The following SLC35F3 variants were observed in gnomAD, a reference collection of about 807,000 sequenced individuals.
SLC35F3 encodes the protein putative thiamine transporter SLC35F3.
SLC35F3 carries 25 observed loss-of-function variants against 49.9 expected under a neutral mutation model. The observed-to-expected ratio is 0.50, with a 90% CI of 0.37 to 0.70. The LOEUF (loss-of-function observed/expected upper bound fraction) is 0.70. Ranked by LOEUF, SLC35F3 falls within the 30% of genes least tolerant of loss-of-function variation. The pLI is 0.00. For missense variants in SLC35F3, 525 were observed against 639.8 expected (o/e 0.82, Z 1.94); for synonymous variants, 275 against 265.4 (o/e 1.04, Z -0.35).
chr1:234,018,112 G>A (rs1216377153), intron 2 of SLC35F3, among the ~76,000 whole-genome samples: 1 of 152,092 alleles, frequency 6.6e-6, no homozygotes, highest in South Asian at 2.1e-4. Flanking sequence ...GGAAAAATAC[G>A]TGTCAGGCAA....
chr1:234,096,710 A>C (rs1665130542), intron 2 of SLC35F3, among the ~76,000 whole-genome samples: 1 of 152,074 alleles, frequency 6.6e-6, no homozygotes, highest in African/African-American at 2.4e-5. Flanking sequence ...ATTTTCTCAC[A>C]ATAGTCTGGT....
At chr1:234,040,641 A>G (rs1367696034) in intron 2 of SLC35F3, among the ~76,000 whole-genome samples, 2 of 152,200 alleles carry the variant, frequency 1.3e-5, no homozygotes, top group African/African-American at 2.4e-5. Context: ...CCTGTCATGG[A>G]TGAAACCACA....
chr1:234,175,887 C>T (rs1666470091), intron 2 of SLC35F3, among the ~76,000 whole-genome samples: 1 of 152,172 alleles, frequency 6.6e-6, no homozygotes, highest in Non-Finnish European at 1.5e-5. Context: ...GCACCCCTTG[C>T]TGCACTGTGC....
intron 2 of SLC35F3, among the ~76,000 whole-genome samples, chr1:234,175,883 C>CT (rs1325222740): frequency 2.0e-5 from 3 of 152,160 alleles, no homozygotes; most frequent in African/African-American, 7.2e-5. Context: ...ATCCGCACCC[C>CT]TTGCTGCACT....
chr1:233,933,408 G>A (rs900644104), intron 2 of SLC35F3, among the ~76,000 whole-genome samples: 1 of 152,014 alleles, frequency 6.6e-6, no homozygotes, highest in African/African-American at 2.4e-5. Flanking sequence ...GAGTGCAGTG[G>A]TGCAATTCTA....
At chr1:234,233,127 G>T (rs1172345580) in intron 3 of SLC35F3, among the ~76,000 whole-genome samples, 2 of 152,274 alleles carry the variant, frequency 1.3e-5, no homozygotes, top group African/African-American at 4.8e-5. Context: ...ACCCTCTTCT[G>T]AATAGAAGCC....
At chr1:233,915,902 TC>T (rs1661960915) in intron 2 of SLC35F3, among the ~76,000 whole-genome samples, 1 of 152,104 alleles carries the variant, frequency 6.6e-6, no homozygotes, top group South Asian at 2.1e-4. Context: ...TCCCGCCAGG[TC>T]CCTCCCACAA....
rs757180624 is a variant in SLC35F3, at chr1:234,122,385, G to A, written c.284-109032G>A. ...TGAAAAGTACTTTTTAAATATATAGGCAAATAGCTATACCAATATTTGAGT... is the reference window on the plus strand; with the variant it reads ...TGAAAAGTACTTTTTAAATATATAGACAAATAGCTATACCAATATTTGAGT... On this transcript the variant is annotated intron_variant, in intron 2 of 7. Transcript: ENST00000366618. Among the ~76,000 whole-genome samples the A allele has an allele frequency of 1.7e-4, 26 of 152,130 alleles. 1 individual carries two copies. Among genetic ancestry groups the A allele is most frequent in the Admixed American group, 7.9e-4 (12 of 15,270 alleles).
chr1:234,083,767 G>C (rs1005742036), intron 2 of SLC35F3, among the ~76,000 whole-genome samples: 2 of 151,872 alleles, frequency 1.3e-5, no homozygotes, highest in African/African-American at 4.8e-5. Context: ...TTACCACTTT[G>C]AGTGGGAAAA....
chr1:233,936,539 C>T (rs913055192), intron 2 of SLC35F3, among the ~76,000 whole-genome samples: 10 of 149,006 alleles, frequency 6.7e-5, no homozygotes, highest in African/African-American at 2.5e-4. Flanking sequence ...CTCCTTCTTC[C>T]TCCTCCTCCT....
chr1:234,061,171 G>T (rs1432207905), intron 2 of SLC35F3, among the ~76,000 whole-genome samples: 4 of 151,648 alleles, frequency 2.6e-5, no homozygotes, highest in African/African-American at 9.7e-5. Flanking sequence ...CAAATTCTCA[G>T]TTTTTGTTTA....
intron 2 of SLC35F3, among the ~76,000 whole-genome samples, chr1:233,989,861 A>G (rs1358695384): frequency 6.6e-6 from 1 of 152,188 alleles, no homozygotes; most frequent in Non-Finnish European, 1.5e-5. Flanking sequence ...TATCACAAAA[A>G]TCTTTGACTA....
intron 2 of SLC35F3, among the ~76,000 whole-genome samples, chr1:234,167,568 GGA>G (rs1289241226): frequency 6.6e-6 from 1 of 152,162 alleles, no homozygotes; most frequent in East Asian, 1.9e-4. Context: ...AATATTTGTA[GGA>G]GAGTCTTACC....
intron 2 of SLC35F3, among the ~76,000 whole-genome samples, chr1:234,174,664 ACT>A (rs1273123949): frequency 6.6e-6 from 1 of 152,150 alleles, no homozygotes; most frequent in African/African-American, 2.4e-5. Flanking sequence ...GCATAAACAC[ACT>A]CTTCCCAACC....
intron 2 of SLC35F3, among the ~76,000 whole-genome samples, chr1:234,088,564 C>T (rs1334007889): frequency 6.6e-6 from 1 of 152,128 alleles, no homozygotes; most frequent in Non-Finnish European, 1.5e-5. Context: ...TTTTCAGAAT[C>T]TATTGTCATT....
rs373509404 is a variant in SLC35F3, at chr1:234,098,448, A to G, written c.284-132969A>G. On this transcript the variant is annotated intron_variant, in intron 2 of 7. Transcript: ENST00000366618. ...TGGTGGCAGTTCAGATGGTGGTGGT[A>G]GTGACAGTGTTATAGGGTGATGATG... is the stretch of plus-strand genomic sequence containing the variant. 5.2e-3 allele frequency among the ~76,000 whole-genome samples: 739 copies of G among 143,066 alleles called. 8 individuals are homozygous for G. The highest frequency in any genetic ancestry group is 0.018 in the African/African-American group (684 of 37,660). 93.9% of individuals were successfully genotyped at this position (143,066 alleles called of 152,430 possible).
chr1:233,954,148 A>G (rs1571994656), intron 2 of SLC35F3, among the ~76,000 whole-genome samples: 1 of 152,120 alleles, frequency 6.6e-6, no homozygotes, highest in Admixed American at 6.5e-5. Flanking sequence ...CTGGGACTAC[A>G]GGCATGTGCC....
intron 2 of SLC35F3, among the ~76,000 whole-genome samples, chr1:234,161,711 T>TG (rs1666230437): frequency 6.6e-6 from 1 of 152,096 alleles, no homozygotes; most frequent in African/African-American, 2.4e-5. Context: ...GAGGCTGAGG[T>TG]GGGAGGATCA....
At chr1:233,912,366 T>C (rs549083165) in intron 2 of SLC35F3, among the ~76,000 whole-genome samples, 1 of 152,186 alleles carries the variant, frequency 6.6e-6, no homozygotes, top group Admixed American at 6.5e-5. Flanking sequence ...TAATCCCAGC[T>C]TCTCGGGAGG....
Sources: allele counts gnomAD v4.1 joint callset (sites outside exome capture counted in the v4.1 genomes callset), GRCh38; gene constraint gnomAD v4.1.1; transcripts MANE v1.5; gene names NCBI Gene and HGNC (gene_info 2026-07-23, HGNC 2026-07-21).